The following ETFA variants were observed in gnomAD, a reference collection of about 807,000 sequenced individuals.
ETFA encodes electron transfer flavoprotein subunit alpha, also known as electron transfer flavoprotein subunit alpha, mitochondrial.
Under a neutral mutation model 46.2 loss-of-function variants are expected in ETFA, and 22 were observed. The ratio of observed to expected loss-of-function variants is 0.48; its 90% CI spans 0.34 to 0.68. The LOEUF (loss-of-function observed/expected upper bound fraction) is 0.68, where lower values mean the gene tolerates loss of function less well. ETFA is among the 30% of genes least tolerant of loss of function. The probability of loss-of-function intolerance (pLI) is 0.01; values close to 1 mark genes in which losing one functional copy is unlikely to be tolerated. For missense variants in ETFA, 345 were observed against 401.1 expected, an observed-to-expected ratio of 0.86 and a Z score of 1.19; for synonymous variants, 131 against 139.9, an observed-to-expected ratio of 0.94 and a Z score of 0.45.
chr15:76,232,583 C>T (rs2141465037), intron 9 of ETFA, among the ~76,000 whole-genome samples: 1 of 152,334 alleles, frequency 6.6e-6, no homozygotes, highest in East Asian at 1.9e-4. Flanking sequence ...TTGTTTTCTG[C>T]ACTGCTTATG....
chr15:76,265,557 G>A (rs190044068), intron 9 of ETFA, among the ~76,000 whole-genome samples: 2 of 152,246 alleles, frequency 1.3e-5, no homozygotes, highest in Non-Finnish European at 1.5e-5. Flanking sequence ...CAATGGCCTC[G>A]ACACTTGCCC....
intron 10 of ETFA, 116 bp from the exon 11 acceptor site, chr15:76,226,045 T>A (rs780407713): frequency 1.4e-6 from 1 of 704,964 alleles, no homozygotes; most frequent in Non-Finnish European, 2.5e-6. Flanking sequence ...CAAATAAGAT[T>A]TGAGGCATCT....
chr15:76,278,473 C>T (rs375089116), intron 8 of ETFA, among the ~76,000 whole-genome samples: 1 of 152,182 alleles, frequency 6.6e-6, no homozygotes, highest in African/African-American at 2.4e-5. Flanking sequence ...AAAAACCTCC[C>T]TCTTCCGGCT....
intron 10 of ETFA, 83 bp downstream of exon 10, chr15:76,231,250 T>C: frequency 5.8e-6 from 5 of 865,078 alleles, no homozygotes; most frequent in Non-Finnish European, 4.0e-6. Flanking sequence ...CTACATGCAT[T>C]GTAACTACAT....
At chr15:76,224,808 CG>C (rs1177799145) in intron 11 of ETFA, among the ~76,000 whole-genome samples, 3 of 152,260 alleles carry the variant, frequency 2.0e-5, no homozygotes, top group Admixed American at 6.5e-5. Flanking sequence ...AACCTAGAAA[CG>C]TGTAGGCAGA....
chr15:76,285,602 C>T, intron 7 of ETFA, 35 bp downstream of exon 7: 2 of 1,135,740 alleles, frequency 1.8e-6, no homozygotes, highest in Non-Finnish European at 2.7e-6. Context: ...AAAGTATTTT[C>T]AATTTACATC....
At chr15:76,288,936 G>C (rs868459964) in intron 4 of ETFA, among the ~76,000 whole-genome samples, 1 of 26,060 alleles carries the variant, frequency 3.8e-5, no homozygotes, top group East Asian at 1.2e-3. Context: ...TTTTTTTTTT[G>C]GAAACAGGGT....
chr15:76,248,110 T>C (rs1596198467), intron 9 of ETFA, among the ~76,000 whole-genome samples: 1 of 152,230 alleles, frequency 6.6e-6, no homozygotes, highest in African/African-American at 2.4e-5. Flanking sequence ...CTAAAAACAT[T>C]TTGGAGAACT....
chr15:76,279,095 T>C (rs1242766607), intron 8 of ETFA, among the ~76,000 whole-genome samples: 1 of 152,222 alleles, frequency 6.6e-6, no homozygotes, highest in African/African-American at 2.4e-5. Context: ...ATTTCCCTGC[T>C]TCCCTATATA....
At chr15:76,303,918 C>T (rs1156949979) in intron 1 of ETFA, among the ~76,000 whole-genome samples, 2 of 152,218 alleles carry the variant, frequency 1.3e-5, no homozygotes, top group East Asian at 3.8e-4. Flanking sequence ...ACATTCGACC[C>T]AGCAATACCA....
At chr15:76,269,200 T>C (rs1403092545) in intron 9 of ETFA, among the ~76,000 whole-genome samples, 1 of 152,138 alleles carries the variant, frequency 6.6e-6, no homozygotes, top group Non-Finnish European at 1.5e-5. Flanking sequence ...ATGATAGCTG[T>C]GGCGGTTTTA....
chr15:76,237,874 A>G (rs2039142604), intron 9 of ETFA, among the ~76,000 whole-genome samples: 3 of 152,140 alleles, frequency 2.0e-5, no homozygotes, highest in Admixed American at 1.3e-4. Flanking sequence ...GTACTGGGAA[A>G]AATTTTCTTT....
intron 11 of ETFA, among the ~76,000 whole-genome samples, chr15:76,221,012 A>G (rs974508310): frequency 4.6e-5 from 7 of 152,232 alleles, no homozygotes; most frequent in African/African-American, 1.7e-4. Context: ...AGGTCTGCAC[A>G]AAACCTCATA....
intron 9 of ETFA, chr15:76,259,089 G>C (rs2039375665): frequency 7.7e-6 from 12 of 1,558,808 alleles, no homozygotes; most frequent in Admixed American, 1.7e-5. Context: ...TGGCTGCTCA[G>C]CCAGCCCTCC....
At chr15:76,308,683 T>C (rs2141560468) in intron 1 of ETFA, among the ~76,000 whole-genome samples, 1 of 152,328 alleles carries the variant, frequency 6.6e-6, no homozygotes, top group East Asian at 1.9e-4. Context: ...TAGAGTATCT[T>C]AGACCAGAAT....
chr15:76,221,117 T>A (rs950049180), intron 11 of ETFA, among the ~76,000 whole-genome samples: 1 of 152,200 alleles, frequency 6.6e-6, no homozygotes, highest in Non-Finnish European at 1.5e-5. Flanking sequence ...AAATGTTACA[T>A]ACCCCTACAA....
chr15:76,295,936 C>CCTTTT (rs2039816100), intron 1 of ETFA, among the ~76,000 whole-genome samples, 199 bp from the exon 2 acceptor site: 10 of 46,600 alleles, frequency 2.1e-4, no homozygotes, highest in African/African-American at 6.1e-4. Context: ...CACTAATATT[C>CCTTTT]TTTTTTTTTT....
intron 9 of ETFA, among the ~76,000 whole-genome samples, chr15:76,270,558 G>A (rs954794632): frequency 2.0e-5 from 3 of 152,132 alleles, no homozygotes; most frequent in African/African-American, 4.8e-5. Context: ...CATTTCAATA[G>A]CAATGAACAT....
chr15:76,303,991 G>T (rs894795037), intron 1 of ETFA, among the ~76,000 whole-genome samples: 1 of 152,242 alleles, frequency 6.6e-6, no homozygotes, highest in Non-Finnish European at 1.5e-5. Context: ...GCATGTGCAT[G>T]TTCATGGCAG....
Sources: gnomAD v4.1 joint callset for allele counts (sites outside exome capture counted in the v4.1 genomes callset) on GRCh38, gnomAD v4.1.1 for gene constraint, MANE v1.5 for transcripts, NCBI Gene and HGNC (gene_info 2026-07-23, HGNC 2026-07-21) for gene names.